Variants in SH3PXD2A observed in about 807,000 individuals in gnomAD.
The protein encoded by SH3PXD2A is SH3 and PX domain-containing protein 2A.
SH3PXD2A carries 32 observed loss-of-function variants against 115.2 expected under a neutral mutation model. That is an observed-to-expected ratio of 0.28 (90% CI 0.21 to 0.37). The LOEUF (loss-of-function observed/expected upper bound fraction) is 0.37. SH3PXD2A is among the 10% of genes least tolerant of loss of function. The pLI is 1.00. For synonymous variants in SH3PXD2A, 610 were observed against 629.1 expected (o/e 0.97, Z 0.45); for missense variants, 1,328 against 1,498.7 (o/e 0.89, Z 1.88).
chr10:103,608,812 T>C (rs1361636408), intron 13 of SH3PXD2A: 1 of 152,158 alleles, frequency 6.6e-6, no homozygotes, highest in Admixed American at 6.5e-5. Context: ...CTTACATCTC[T>C]GGAGGTCTAG....
At chr10:103,767,579 G>T (rs979128452) in intron 2 of SH3PXD2A, among the ~76,000 whole-genome samples, 3 of 152,126 alleles carry the variant, frequency 2.0e-5, no homozygotes, top group African/African-American at 7.2e-5. Flanking sequence ...CTTGGGCCAG[G>T]ATGGGGGAAG....
chr10:103,668,466 CAAG>C, intron 7 of SH3PXD2A, 139 bp downstream of exon 7: 1 of 724,332 alleles, frequency 1.4e-6, no homozygotes, highest in Non-Finnish European at 2.4e-6. Context: ...GAGGGCACAG[CAAG>C]TGGCAGACCC....
At chr10:103,660,423 C>G (rs2037277194) in intron 8 of SH3PXD2A, among the ~76,000 whole-genome samples, 1 of 152,212 alleles carries the variant, frequency 6.6e-6, no homozygotes, top group Non-Finnish European at 1.5e-5. Flanking sequence ...CTGCATCCCC[C>G]TCACTGCGCT....
intron 5 of SH3PXD2A, among the ~76,000 whole-genome samples, chr10:103,721,626 T>C (rs2038182954): frequency 6.6e-6 from 1 of 152,134 alleles, no homozygotes; most frequent in African/African-American, 2.4e-5. Flanking sequence ...AGGCACACGA[T>C]CACGGGGGAT....
intron 10 of SH3PXD2A, among the ~76,000 whole-genome samples, chr10:103,617,931 C>T (rs2036543971): frequency 6.6e-6 from 1 of 152,172 alleles, no homozygotes; most frequent in Non-Finnish European, 1.5e-5. Flanking sequence ...CCATGGAACC[C>T]AGGTCTCATG....
At chr10:103,778,095 C>T (rs984411263) in intron 2 of SH3PXD2A, among the ~76,000 whole-genome samples, 2 of 152,000 alleles carry the variant, frequency 1.3e-5, no homozygotes, top group African/African-American at 2.4e-5. Context: ...TTTGGAAAGC[C>T]GAGGCAGGAG....
At chr10:103,611,928 T>C (rs559870618) in intron 12 of SH3PXD2A, among the ~76,000 whole-genome samples, 3 of 152,312 alleles carry the variant, frequency 2.0e-5, no homozygotes, top group South Asian at 4.2e-4. Flanking sequence ...GGTGTATAGA[T>C]TTATCAGGTT....
chr10:103,824,430 G>C (rs2039410087), intron 1 of SH3PXD2A, among the ~76,000 whole-genome samples: 1 of 152,114 alleles, frequency 6.6e-6, no homozygotes, highest in African/African-American at 2.4e-5. Context: ...ACAGAGGCTG[G>C]GTCAACCCGG....
chr10:103,659,083 A>G (rs1007760281), intron 8 of SH3PXD2A, among the ~76,000 whole-genome samples: 4 of 152,182 alleles, frequency 2.6e-5, no homozygotes, highest in African/African-American at 9.7e-5. Flanking sequence ...GAGAGCAGGC[A>G]TCTCCCCCTT....
intron 7 of SH3PXD2A, among the ~76,000 whole-genome samples, chr10:103,664,377 G>A (rs966801650): frequency 6.6e-6 from 1 of 152,320 alleles, no homozygotes; most frequent in Middle Eastern, 3.4e-3. Context: ...CAACAGCATC[G>A]AGCTGCCTCG....
intron 2 of SH3PXD2A, among the ~76,000 whole-genome samples, chr10:103,779,392 C>T (rs748837463): frequency 1.9e-4 from 29 of 152,198 alleles, no homozygotes; most frequent in Non-Finnish European, 3.4e-4. Flanking sequence ...CTGATACCCC[C>T]GTGTGCCAGC....
At chr10:103,607,741 C>T (rs371021079) in intron 13 of SH3PXD2A, among the ~76,000 whole-genome samples, 10 of 152,174 alleles carry the variant, frequency 6.6e-5, no homozygotes, top group Admixed American at 1.3e-4. Context: ...ATTGAGAAAT[C>T]GGATGGTTGC....
At chr10:103,631,748 A>G (rs2036782857) in intron 8 of SH3PXD2A, among the ~76,000 whole-genome samples, 2 of 152,288 alleles carry the variant, frequency 1.3e-5, no homozygotes, top group South Asian at 4.2e-4. Context: ...TGTCACCACA[A>G]TTCCCAACTT....
intron 3 of SH3PXD2A, among the ~76,000 whole-genome samples, chr10:103,747,944 C>G (rs1379301645): frequency 6.6e-6 from 1 of 152,170 alleles, no homozygotes; most frequent in Non-Finnish European, 1.5e-5. Flanking sequence ...ACCACCGCGC[C>G]TGTCCCAAAG....
chr10:103,608,502 G>A (rs992828046), intron 13 of SH3PXD2A: 1 of 150,746 alleles, frequency 6.6e-6, no homozygotes, highest in African/African-American at 2.4e-5. Flanking sequence ...TACAGATTAG[G>A]GATAAAATTG....
At chr10:103,778,787 C>T (rs1183602666) in intron 2 of SH3PXD2A, among the ~76,000 whole-genome samples, 1 of 152,212 alleles carries the variant, frequency 6.6e-6, no homozygotes, top group Non-Finnish European at 1.5e-5. Context: ...ACCCTAACTT[C>T]CAACAGCTGT....
At chr10:103,824,926 CT>C (rs1360056024) in intron 1 of SH3PXD2A, among the ~76,000 whole-genome samples, 1 of 152,212 alleles carries the variant, frequency 6.6e-6, no homozygotes, top group Non-Finnish European at 1.5e-5. Flanking sequence ...CCTCAGCCCC[CT>C]GAGTAGCTGG....
rs921897496 is a variant in SH3PXD2A, at chr10:103,665,534, C to G, written c.472+3074G>C. 6.6e-6 allele frequency among the ~76,000 whole-genome samples: 1 copy of G among 152,244 alleles called. No homozygotes were observed. Among genetic ancestry groups the G allele is most frequent in the African/African-American group, 2.4e-5 (1 of 41,464 alleles). ...AGGCTGTGGGATGGACACACGGACA[C>G]TCTGTCCTTCTGGCTGCCCTTCCCT... On this transcript the variant is annotated intron_variant, in intron 7 of 14. Transcript: ENST00000369774. The surrounding 1 kb of genome is among the most constrained non-coding windows in gnomAD (Gnocchi z 4.0).
At chr10:103,739,387 C>T (rs1162716129) in intron 3 of SH3PXD2A, among the ~76,000 whole-genome samples, 1 of 152,240 alleles carries the variant, frequency 6.6e-6, no homozygotes, top group South Asian at 2.1e-4. Flanking sequence ...TCCCCCTTTC[C>T]CGCTGAAATC....
Sources: gnomAD v4.1 joint callset for allele counts (sites outside exome capture counted in the v4.1 genomes callset) on GRCh38, gnomAD v4.1.1 for gene constraint, Gnocchi (gnomAD v3.1) non-coding constraint, MANE v1.5 for transcripts, NCBI Gene and HGNC (gene_info 2026-07-23, HGNC 2026-07-21) for gene names.